LGR5: variants seen among roughly 807,000 people sequenced by gnomAD.
LGR5 encodes the protein leucine rich repeat containing G protein-coupled receptor 5.
In LGR5, 54 loss-of-function variants were observed where a neutral mutation model predicts 76.7. The observed-to-expected ratio is 0.70, with a 90% CI of 0.57 to 0.88. The LOEUF (loss-of-function observed/expected upper bound fraction) is 0.88. Among genes scored for constraint, LGR5 ranks in the 40% least tolerant of loss-of-function variants. LGR5 has a pLI of 0.00. For missense variants in LGR5, 1,078 were observed against 1,073.3 expected (o/e 1.00, Z -0.06); for synonymous variants, 406 against 421.9 (o/e 0.96, Z 0.46).
At chr12:71,486,043 C>T (rs999556483) in intron 1 of LGR5, among the ~76,000 whole-genome samples, 1 of 152,278 alleles carries the variant, frequency 6.6e-6, no homozygotes. Context: ...GGATTACAGG[C>T]GTGAGCCAGC....
chr12:71,546,266 G>GA (rs1430901453), intron 4 of LGR5, among the ~76,000 whole-genome samples: 1 of 151,892 alleles, frequency 6.6e-6, no homozygotes, highest in Non-Finnish European at 1.5e-5. Context: ...AGTGAGCCAA[G>GA]ATTGGACCAC....
intron 2 of LGR5, among the ~76,000 whole-genome samples, chr12:71,522,282 G>A (rs1875763059): frequency 6.6e-6 from 1 of 152,170 alleles, no homozygotes; most frequent in Admixed American, 6.5e-5. Flanking sequence ...AGTGAATATG[G>A]AAGGGGTGGG....
Position 71,584,044 on chromosome 12 carries a change from T to C in LGR5, c.2034T>C (p.Phe678=). The C allele has an allele frequency of 6.2e-7, 1 of 1,614,228 alleles. No homozygotes were observed. The highest frequency in any genetic ancestry group is 2.2e-5 in the East Asian group (1 of 44,882). The change falls in exon 18 of 18, where the codon TTT becomes TTC. Residue 678 remains phenylalanine (F), a synonymous_variant. Transcript: ENST00000266674. ...CAAAATTTGAAACGAAAGCTCCATTTTCTAGCCTGAAAGTAATCATTTTGC... is the reference window on the plus strand; with the variant it reads ...CAAAATTTGAAACGAAAGCTCCATTCTCTAGCCTGAAAGTAATCATTTTGC... ...YSAKFETKAP[F]SSLKVIILLC...
At chr12:71,501,096 C>T (rs1874578030) in intron 1 of LGR5, among the ~76,000 whole-genome samples, 1 of 152,052 alleles carries the variant, frequency 6.6e-6, no homozygotes, top group African/African-American at 2.4e-5. Flanking sequence ...AAAAACAGAG[C>T]ATTTTAAAAT....
intron 6 of LGR5, among the ~76,000 whole-genome samples, chr12:71,559,018 A>G (rs553610350): frequency 1.8e-4 from 28 of 152,274 alleles, no homozygotes; most frequent in Non-Finnish European, 1.6e-4. Context: ...TCTAGACCAA[A>G]TGTCCTTTCT....
chr12:71,578,323 C>T (rs1381966040), intron 14 of LGR5, among the ~76,000 whole-genome samples: 1 of 152,158 alleles, frequency 6.6e-6, no homozygotes, highest in Non-Finnish European at 1.5e-5. Flanking sequence ...GCCATTTTGA[C>T]TGATAGAGAA....
rs1207419766 is a variant in LGR5, at chr12:71,491,394, CT to C, written c.213-13211del. Among the ~76,000 whole-genome samples, 5 of 151,384 alleles carry C rather than the reference CT, an allele frequency of 3.3e-5. No homozygotes were observed. In the South Asian group the frequency reaches 6.3e-4, roughly 19 times the overall value. ...TGAGTCTAGGGAAACCTTAGATTGA[CT>C]TTTTTTTTGTTCAGGTGAGAGGGAA... On this transcript the variant is annotated intron_variant, in intron 1 of 17. Coordinates refer to ENST00000266674, the MANE Select transcript of LGR5 (RefSeq NM_003667.4).
chr12:71,518,221 A>T (rs1473313292), intron 2 of LGR5, among the ~76,000 whole-genome samples: 1 of 152,210 alleles, frequency 6.6e-6, no homozygotes, highest in Non-Finnish European at 1.5e-5. Context: ...AAGAAGACAT[A>T]CATGCAGCCA....
At chr12:71,558,396 T>C (rs1397234617) in intron 6 of LGR5, among the ~76,000 whole-genome samples, 1 of 152,158 alleles carries the variant, frequency 6.6e-6, no homozygotes, top group Non-Finnish European at 1.5e-5. Context: ...GTGAGTCTTA[T>C]TGTCTCCCCT....
Position 71,584,228 on chromosome 12 carries a change from A to T in LGR5, c.2218A>T (p.Met740Leu). The T allele has an allele frequency of 6.2e-7, 1 of 1,614,026 alleles. No homozygotes were observed. Among genetic ancestry groups the T allele is most frequent in the Non-Finnish European group, 8.5e-7 (1 of 1,180,000 alleles). ...GCTCAATTCCCTTTGCTTCCTCATG[A>T]TGACCATTGCCTACACCAAGCTCTA... ...ILLNSLCFLMMTIAYTKLYCN... is the reference protein window; with the variant it reads ...ILLNSLCFLMLTIAYTKLYCN... Residue 740 changes from methionine to leucine, a missense_variant, in exon 18 of 18, where the codon ATG becomes TTG. Met to Leu is a conservative substitution (Grantham distance 15). Coordinates refer to ENST00000266674, the MANE Select transcript of LGR5 (RefSeq NM_003667.4).
chr12:71,525,305 A>G (rs148717997), intron 3 of LGR5, among the ~76,000 whole-genome samples: 382 of 152,216 alleles, frequency 2.5e-3, no homozygotes, highest in Middle Eastern at 0.014. Context: ...TCAATTTAAT[A>G]TTTTGTTAAA....
intron 2 of LGR5, among the ~76,000 whole-genome samples, chr12:71,515,301 G>A (rs1482425751): frequency 6.6e-6 from 1 of 152,122 alleles, no homozygotes; most frequent in African/African-American, 2.4e-5. Flanking sequence ...AATTTTAATA[G>A]ACTATTATAC....
intron 2 of LGR5, among the ~76,000 whole-genome samples, chr12:71,517,102 G>A (rs994444324): frequency 1.3e-5 from 2 of 151,976 alleles, no homozygotes; most frequent in Non-Finnish European, 2.9e-5. Context: ...CACAACAAAG[G>A]TGTGTGTGTT....
At chr12:71,578,726 T>G in intron 14 of LGR5, 78 bp from the exon 15 acceptor site, 4 of 1,394,058 alleles carry the variant, frequency 2.9e-6, no homozygotes, top group Non-Finnish European at 3.8e-6. Context: ...TTAACGATCT[T>G]TAGGTTGTTG....
At chr12:71,456,986 C>A (rs894004272) in intron 1 of LGR5, among the ~76,000 whole-genome samples, 2 of 152,060 alleles carry the variant, frequency 1.3e-5, no homozygotes, top group Admixed American at 1.3e-4. Context: ...ATTCCATACA[C>A]CCCCATCTCA....
At chr12:71,542,829 T>C (rs1239038662) in intron 4 of LGR5, among the ~76,000 whole-genome samples, 1 of 151,448 alleles carries the variant, frequency 6.6e-6, no homozygotes, top group Non-Finnish European at 1.5e-5. Flanking sequence ...AACAACTAAG[T>C]AGAGATGTCA....
intron 1 of LGR5, among the ~76,000 whole-genome samples, chr12:71,457,153 A>G (rs1403594187): frequency 1.3e-5 from 2 of 152,204 alleles, no homozygotes; most frequent in Admixed American, 1.3e-4. Context: ...AGGGGTTACT[A>G]GTTCTTTTCG....
At chr12:71,582,128 G>A (rs1879117628) in intron 16 of LGR5, among the ~76,000 whole-genome samples, 2 of 152,168 alleles carry the variant, frequency 1.3e-5, no homozygotes, top group Non-Finnish European at 1.5e-5. Flanking sequence ...TTCCTACTCT[G>A]AACGAAGAGG....
At chr12:71,566,324 G>GT (rs1878337151) in intron 8 of LGR5, 80 bp from the exon 9 acceptor site, 1 of 866,344 alleles carries the variant, frequency 1.2e-6, no homozygotes, top group African/African-American at 1.7e-5. Flanking sequence ...TACATTTACT[G>GT]TATTTGTTCA....
Sources: allele counts gnomAD v4.1 joint callset (sites outside exome capture counted in the v4.1 genomes callset), GRCh38; gene constraint gnomAD v4.1.1; transcripts MANE v1.5; gene names NCBI Gene and HGNC (gene_info 2026-07-23, HGNC 2026-07-21).